Variants in PDZD2 observed in about 807,000 individuals in gnomAD.
PDZD2 encodes the protein PDZ domain-containing protein 2.
In PDZD2, 90 loss-of-function variants were observed where a neutral mutation model predicts 220.7. That is an observed-to-expected ratio of 0.41 (90% confidence interval 0.34 to 0.49). The LOEUF (loss-of-function observed/expected upper bound fraction) is 0.49. PDZD2 is among the 20% of genes least tolerant of loss of function. PDZD2 has a pLI of 0.28. For synonymous variants in PDZD2, 1,375 were observed against 1,450.5 expected (o/e 0.95, Z 1.18); for missense variants, 3,174 against 3,608.5 (o/e 0.88, Z 3.08).
intron 1 of PDZD2, among the ~76,000 whole-genome samples, chr5:31,756,294 G>C (rs140818939): frequency 7.2e-5 from 11 of 152,222 alleles, no homozygotes; most frequent in African/African-American, 2.7e-4. Flanking sequence ...CTAAAGGCCA[G>C]TGTGCACTCA....
intron 1 of PDZD2, among the ~76,000 whole-genome samples, chr5:31,707,331 T>A (rs569540294): frequency 7.4e-6 from 1 of 135,992 alleles, no homozygotes; most frequent in African/African-American, 3.0e-5. Flanking sequence ...ATTAATTAAT[T>A]AAATAAAAAA....
intron 2 of PDZD2, among the ~76,000 whole-genome samples, chr5:31,912,203 T>G (rs1238004008): frequency 1.3e-5 from 2 of 152,186 alleles, no homozygotes; most frequent in East Asian, 1.9e-4. Context: ...GATCCAGGTA[T>G]TAGCTGATTC....
chr5:31,848,954 C>T (rs1161059444), intron 2 of PDZD2, among the ~76,000 whole-genome samples: 3 of 151,986 alleles, frequency 2.0e-5, no homozygotes, highest in Admixed American at 6.6e-5. Context: ...GAGGCTGAGG[C>T]AGGAGAATGG....
At position 32,058,081 on chromosome 5, in the gene PDZD2, C is replaced by T. The variant is rs1321921333; in HGVS notation, c.2178C>T (p.Val726=). The T allele has an allele frequency of 6.3e-7, 1 of 1,589,006 alleles. No homozygotes were observed. The highest frequency in any genetic ancestry group is 1.7e-4 in the Middle Eastern group (1 of 5,998). Residue 726 remains valine, a synonymous_variant, in exon 12 of 25, where the codon GTC becomes GTT. Coordinates refer to ENST00000438447, the MANE Select transcript of PDZD2 (RefSeq NM_178140.4). ...RKTPGPKDRI[V]MEVTLNKEPR... ...CCCCTGGGCCCAAGGACAGGATCGT[C>T]ATGGAAGTAACACTCAACAAAGGTG... is the stretch of plus-strand genomic sequence containing the variant.
chr5:31,895,327 T>G (rs1459550347), intron 2 of PDZD2, among the ~76,000 whole-genome samples: 4 of 152,142 alleles, frequency 2.6e-5, no homozygotes, highest in African/African-American at 9.7e-5. Flanking sequence ...AGGGTAGAGC[T>G]CTCATGAATG....
intron 2 of PDZD2, chr5:31,822,953 C>A: frequency 9.4e-7 from 1 of 1,066,802 alleles, no homozygotes. Flanking sequence ...TTTCTGTTAC[C>A]CCACCATTTG....
At chr5:31,729,285 C>T (rs560659528) in intron 1 of PDZD2, among the ~76,000 whole-genome samples, 5 of 151,752 alleles carry the variant, frequency 3.3e-5, no homozygotes, top group South Asian at 2.1e-4. Context: ...TTAGTAGCGA[C>T]GGGGTTTCAC....
intron 2 of PDZD2, among the ~76,000 whole-genome samples, chr5:31,830,332 A>ATTTTTTTTTTT (rs11447724): frequency 1.6e-5 from 2 of 123,732 alleles, no homozygotes; most frequent in African/African-American, 3.3e-5. Context: ...CGCCCAGCTA[A>ATTTTTTTTTTT]TTTTTTTTTT....
At chr5:31,805,228 G>A (rs558440986) in intron 2 of PDZD2, among the ~76,000 whole-genome samples, 1 of 152,280 alleles carries the variant, frequency 6.6e-6, no homozygotes, top group East Asian at 1.9e-4. Flanking sequence ...AAGCCCAATT[G>A]TAATATAGAC....
At chr5:31,683,376 A>G (rs1417424360) in intron 1 of PDZD2, among the ~76,000 whole-genome samples, 1 of 152,188 alleles carries the variant, frequency 6.6e-6, no homozygotes, top group African/African-American at 2.4e-5. Flanking sequence ...CTTTAAAAAA[A>G]TACATTCCAA....
At chr5:31,656,604 G>A (rs543826620) in intron 1 of PDZD2, among the ~76,000 whole-genome samples, 6 of 152,234 alleles carry the variant, frequency 3.9e-5, no homozygotes, top group South Asian at 2.1e-4. Context: ...CCTTGGCATC[G>A]TCCCCTCTGG....
intron 2 of PDZD2, among the ~76,000 whole-genome samples, chr5:31,927,089 G>T (rs1259510662): frequency 6.6e-6 from 1 of 152,160 alleles, no homozygotes; most frequent in Non-Finnish European, 1.5e-5. Context: ...GCCCAGGGTT[G>T]AAAAACGTAA....
intron 6 of PDZD2, among the ~76,000 whole-genome samples, chr5:32,020,622 T>C (rs1180722558): frequency 6.6e-6 from 1 of 150,706 alleles, no homozygotes; most frequent in Non-Finnish European, 1.5e-5. Context: ...TGCTGGATTA[T>C]AGGCAAATGA....
intron 6 of PDZD2, among the ~76,000 whole-genome samples, chr5:32,035,488 T>A (rs1484821164): frequency 6.6e-6 from 1 of 152,006 alleles, no homozygotes; most frequent in Admixed American, 6.6e-5. Flanking sequence ...CTTGAACTCC[T>A]GACCTCAGGT....
intron 6 of PDZD2, among the ~76,000 whole-genome samples, chr5:32,014,932 T>C (rs1417675622): frequency 9.4e-6 from 1 of 105,912 alleles, no homozygotes; most frequent in Non-Finnish European, 1.8e-5. Context: ...ATAGTCTCAA[T>C]CTCTCTCTTT....
At position 32,107,990 on chromosome 5, in the gene PDZD2, G is replaced by T; in HGVS notation, c.8375G>T (p.Gly2792Val). ...GTAGGTGGTGCGGCTGAACAAGCTGGAATAATAGAAGCTGGAGATGAAATT... is the reference window on the plus strand; with the variant it reads ...GTAGGTGGTGCGGCTGAACAAGCTGTAATAATAGAAGCTGGAGATGAAATT... ...VYKGGAAEQA[G>V]IIEAGDEILA... Residue 2792 changes from glycine to valine, a missense_variant, in exon 25 of 25, where the codon GGA becomes GTA. Around this residue, in one of 4 missense-constraint regions of PDZD2, gnomAD observed 631 missense variants for 789.9 expected, o/e 0.80. Transcript: ENST00000438447. The T allele has an allele frequency of 6.2e-7, 1 of 1,613,330 alleles. No homozygotes were observed. The highest frequency in any genetic ancestry group is 1.1e-5 in the South Asian group (1 of 91,022).
chr5:31,763,287 G>A (rs867242650), intron 1 of PDZD2, among the ~76,000 whole-genome samples: 1 of 152,080 alleles, frequency 6.6e-6, no homozygotes, highest in Admixed American at 6.6e-5. Flanking sequence ...GGTATCAGGC[G>A]GTCAGGATGA....
At chr5:31,968,487 C>T (rs1462853957) in intron 2 of PDZD2, among the ~76,000 whole-genome samples, 1 of 152,114 alleles carries the variant, frequency 6.6e-6, no homozygotes, top group Non-Finnish European at 1.5e-5. Context: ...AACCCTGTCT[C>T]TACTAAAAAT....
rs148058313 is a variant in PDZD2, at chr5:32,098,964, C to T, written c.8218+330C>T. 3.4e-3 allele frequency among the ~76,000 whole-genome samples: 515 copies of T among 152,258 alleles called. 5 individuals are homozygous for T. Among genetic ancestry groups the T allele is most frequent in the African/African-American group, 0.012 (495 of 41,558 alleles). The stretch of plus-strand genomic sequence containing the variant: ...GACTGGTAAGGAAAACAGGAAACTA[C>T]GTGACGGGGCGAGCAGTGTTGAAGG... On this transcript the variant is annotated intron_variant, in intron 23 of 24. Coordinates refer to ENST00000438447, the MANE Select transcript of PDZD2 (RefSeq NM_178140.4). The surrounding 1 kb of genome is among the most constrained non-coding windows in gnomAD (Gnocchi z 4.1).
Sources: allele counts gnomAD v4.1 joint callset (sites outside exome capture counted in the v4.1 genomes callset), GRCh38; gene constraint gnomAD v4.1.1; regional missense constraint gnomAD v4.1.1; non-coding constraint Gnocchi (gnomAD v3.1); transcripts MANE v1.5; gene names NCBI Gene and HGNC (gene_info 2026-07-23, HGNC 2026-07-21).